HDAC9: variants seen among roughly 807,000 people sequenced by gnomAD.
The protein encoded by HDAC9 is histone deacetylase 9, also known as MEF-2 interacting transcription repressor (MITR) protein.
A neutral mutation model predicts 139.4 loss-of-function variants in HDAC9; 41 were observed. That is an observed-to-expected ratio of 0.29 (90% CI 0.23 to 0.38). The LOEUF is 0.38. HDAC9 is among the 10% of genes least tolerant of loss of function. The probability of loss-of-function intolerance (pLI) is 1.00; values close to 1 mark genes in which losing one functional copy is unlikely to be tolerated. For missense variants in HDAC9, 1,147 were observed against 1,297.0 expected, an observed-to-expected ratio of 0.88 and a Z score of 1.78; for synonymous variants, 517 against 476.2, an observed-to-expected ratio of 1.09 and a Z score of -1.12.
intron 17 of HDAC9, among the ~76,000 whole-genome samples, chr7:18,800,364 A>G (rs1386564526): frequency 1.3e-5 from 2 of 152,174 alleles, no homozygotes; most frequent in Non-Finnish European, 2.9e-5. Context: ...TTAAATGTAT[A>G]GTTTAAACTC....
chr7:18,737,847 T>C (rs1357928996), intron 13 of HDAC9, among the ~76,000 whole-genome samples: 1 of 152,182 alleles, frequency 6.6e-6, no homozygotes, highest in Non-Finnish European at 1.5e-5. Flanking sequence ...CTGTCTAATA[T>C]TGGCAGTGGG....
intron 22 of HDAC9, among the ~76,000 whole-genome samples, chr7:18,908,813 G>T (rs566555699): frequency 6.6e-6 from 1 of 151,928 alleles, no homozygotes; most frequent in Non-Finnish European, 1.5e-5. Flanking sequence ...TCCATTAATG[G>T]ACACATAGGT....
At chr7:18,973,873 C>T (rs1585447584) in intron 24 of HDAC9, among the ~76,000 whole-genome samples, 1 of 152,124 alleles carries the variant, frequency 6.6e-6, no homozygotes, top group African/African-American at 2.4e-5. Flanking sequence ...CTGTTATCAC[C>T]TTCCAATCCA....
chr7:18,503,054 A>C (rs1798811556), intron 2 of HDAC9, among the ~76,000 whole-genome samples: 1 of 152,226 alleles, frequency 6.6e-6, no homozygotes, highest in Non-Finnish European at 1.5e-5. Context: ...TAAGCACTAC[A>C]TTTTAACATT....
intron 1 of HDAC9, among the ~76,000 whole-genome samples, chr7:18,129,086 T>C (rs1317923081): frequency 6.6e-6 from 1 of 152,168 alleles, no homozygotes; most frequent in East Asian, 1.9e-4. Flanking sequence ...ATGCTGTGAT[T>C]GAAGCAAGGA....
intron 8 of HDAC9, 26 bp from the exon 9 acceptor site, chr7:18,644,645 T>C (rs747705252): frequency 1.9e-6 from 3 of 1,596,414 alleles, no homozygotes; most frequent in Non-Finnish European, 2.6e-6. Flanking sequence ...CTGTGGTATT[T>C]TGAGACTCTC....
chr7:18,862,958 A>G (rs1053221049), intron 21 of HDAC9, among the ~76,000 whole-genome samples: 3 of 152,146 alleles, frequency 2.0e-5, no homozygotes, highest in African/African-American at 7.2e-5. Flanking sequence ...TCCTCATTAC[A>G]GTAGTATAAT....
intron 12 of HDAC9, chr7:18,667,161 C>G: frequency 1.0e-6 from 1 of 985,186 alleles, no homozygotes; most frequent in Non-Finnish European, 1.2e-6. Context: ...TTATGTCTCA[C>G]ATAGCACTGC....
At chr7:18,937,395 T>C (rs557720589) in intron 23 of HDAC9, among the ~76,000 whole-genome samples, 1 of 152,270 alleles carries the variant, frequency 6.6e-6, no homozygotes, top group South Asian at 2.1e-4. Context: ...TAATGATTAG[T>C]GTCAACAAAG....
intron 2 of HDAC9, among the ~76,000 whole-genome samples, chr7:18,502,153 A>G (rs894500137): frequency 1.3e-4 from 20 of 152,326 alleles, no homozygotes; most frequent in Admixed American, 3.9e-4. Context: ...GGATCCTCCA[A>G]TGGTCACAAG....
intron 1 of HDAC9, among the ~76,000 whole-genome samples, chr7:18,393,522 TA>T (rs1786737681): frequency 6.6e-6 from 1 of 152,260 alleles, no homozygotes; most frequent in African/African-American, 2.4e-5. Flanking sequence ...ATTAAGTTTT[TA>T]AAAGGATGGA....
chr7:18,536,517 A>C (rs781723020), intron 2 of HDAC9, among the ~76,000 whole-genome samples: 1 of 152,222 alleles, frequency 6.6e-6, no homozygotes, highest in Non-Finnish European at 1.5e-5. Context: ...ACCCACATTC[A>C]GTGAGGAAAC....
chr7:18,106,173 C>A (rs1783189930), intron 1 of HDAC9, among the ~76,000 whole-genome samples: 1 of 152,090 alleles, frequency 6.6e-6, no homozygotes, highest in Admixed American at 6.5e-5. Flanking sequence ...TAATAAAAAT[C>A]ACTGAATTAT....
At chr7:18,579,791 C>CTG (rs3084516) in intron 2 of HDAC9, among the ~76,000 whole-genome samples, 1,635 of 150,322 alleles carry the variant, frequency 0.011, 24 homozygotes, top group African/African-American at 0.036. Context: ...TTTTCCATGC[C>CTG]TGTGTGTGTG....
At chr7:18,186,260 G>A (rs1789904392) in intron 2 of HDAC9, among the ~76,000 whole-genome samples, 1 of 152,214 alleles carries the variant, frequency 6.6e-6, no homozygotes, top group African/African-American at 2.4e-5. Flanking sequence ...CTGTTTAGCT[G>A]ACTGGTTAAG....
chr7:18,724,023 C>G (rs1015171303), intron 12 of HDAC9, among the ~76,000 whole-genome samples: 1 of 152,152 alleles, frequency 6.6e-6, no homozygotes, highest in African/African-American at 2.4e-5. Context: ...TCATGTTACA[C>G]ACACACAAAA....
At chr7:18,223,600 A>G (rs1269086295) in intron 2 of HDAC9, among the ~76,000 whole-genome samples, 1 of 152,130 alleles carries the variant, frequency 6.6e-6, no homozygotes, top group Non-Finnish European at 1.5e-5. Flanking sequence ...TAATACAAAC[A>G]AACAAGAAAA....
At chr7:18,263,044 T>TA (rs1171944137) in intron 2 of HDAC9, among the ~76,000 whole-genome samples, 1 of 151,850 alleles carries the variant, frequency 6.6e-6, no homozygotes, top group Non-Finnish European at 1.5e-5. Flanking sequence ...AATAGTCCAA[T>TA]AAAAAAAGCA....
chr7:18,106,404 A>G (rs1783204937), intron 1 of HDAC9, among the ~76,000 whole-genome samples: 1 of 151,498 alleles, frequency 6.6e-6, no homozygotes, highest in Admixed American at 6.6e-5. Flanking sequence ...CTAATCTACA[A>G]ACTCTTCCAA....
Sources: allele counts gnomAD v4.1 joint callset (sites outside exome capture counted in the v4.1 genomes callset), GRCh38; gene constraint gnomAD v4.1.1; transcripts MANE v1.5; gene names NCBI Gene and HGNC (gene_info 2026-07-23, HGNC 2026-07-21).